MACROD2: variants seen among roughly 807,000 people sequenced by gnomAD.
MACROD2 encodes the protein mono-ADP ribosylhydrolase 2, also known as ADP-ribose glycohydrolase MACROD2.
MACROD2 carries 36 observed loss-of-function variants against 70.4 expected under a neutral mutation model. That is an observed-to-expected ratio of 0.51 (90% CI 0.39 to 0.68). MACROD2 has a LOEUF of 0.68. Ranked by LOEUF, MACROD2 falls within the 30% of genes least tolerant of loss-of-function variation. The pLI is 0.00. For synonymous variants in MACROD2, 172 were observed against 178.8 expected, an observed-to-expected ratio of 0.96 and a Z score of 0.30; for missense variants, 496 against 538.4, an observed-to-expected ratio of 0.92 and a Z score of 0.78.
At chr20:15,304,199 G>A (rs1417572007) in intron 6 of MACROD2, among the ~76,000 whole-genome samples, 3 of 152,100 alleles carry the variant, frequency 2.0e-5, no homozygotes, top group African/African-American at 4.8e-5. Flanking sequence ...TGGGGTTGGA[G>A]ATTAGGGAAA....
intron 8 of MACROD2, among the ~76,000 whole-genome samples, chr20:15,533,146 C>T (rs2146550607): frequency 6.6e-6 from 1 of 152,288 alleles, no homozygotes; most frequent in African/African-American, 2.4e-5. Context: ...AATCTTTTAG[C>T]AGTATTCACA....
intron 3 of MACROD2, among the ~76,000 whole-genome samples, chr20:14,119,345 T>A (rs991864361): frequency 2.0e-5 from 3 of 151,410 alleles, no homozygotes; most frequent in Middle Eastern, 3.4e-3. Flanking sequence ...TTTTTTATAT[T>A]TTTAGTAGAG....
rs2082746121 is a variant in MACROD2, at chr20:14,326,961, C to T, written c.272-166518C>T. 1 of 1,613,604 alleles carries T rather than the reference C, an allele frequency of 6.2e-7. No individual in the cohort carries two copies. The highest frequency in any genetic ancestry group is 1.7e-5 in the Admixed American group (1 of 59,926). ...AAATAGTGGATATGCGATTATCATC[C>T]AAGCGTAGTTCTTCTATAGTCCTGG... is the stretch of plus-strand genomic sequence containing the variant. On this transcript the variant is annotated intron_variant, in intron 3 of 17. Transcript: ENST00000684519. The surrounding 1 kb of genome is among the most constrained non-coding windows in gnomAD (Gnocchi z 5.5).
rs1222778046 is a variant in MACROD2 at position 14,363,620 on chromosome 20, A to G, written c.272-129859A>G. ...CGGATCACGAGGTCAGGATATCGAG[A>G]CCATCCTGGCTAACACAGTGAAACC... On this transcript the variant is annotated intron_variant, in intron 3 of 17. Coordinates refer to ENST00000684519, the MANE Select transcript of MACROD2 (RefSeq NM_001351661.2). Among the ~76,000 whole-genome samples, 5 of 151,602 alleles carry G rather than the reference A, an allele frequency of 3.3e-5. No individual in the cohort carries two copies. The East Asian group carries it at 9.7e-4, about 30-fold the overall frequency.
intron 8 of MACROD2, among the ~76,000 whole-genome samples, chr20:15,743,342 C>T (rs2051132954): frequency 6.6e-6 from 1 of 152,134 alleles, no homozygotes; most frequent in African/African-American, 2.4e-5. Context: ...AATTGAAAAT[C>T]AAACAGAAAT....
chr20:15,649,994 A>G (rs564025774), intron 8 of MACROD2, among the ~76,000 whole-genome samples: 1 of 152,336 alleles, frequency 6.6e-6, no homozygotes, highest in Admixed American at 6.5e-5. Flanking sequence ...TGACTATTTA[A>G]AAATAATAAT....
chr20:14,800,310 C>A (rs1271846220), intron 5 of MACROD2, among the ~76,000 whole-genome samples: 1 of 152,152 alleles, frequency 6.6e-6, no homozygotes, highest in Non-Finnish European at 1.5e-5. Context: ...TGGTGCCCCT[C>A]AAATTCCAAT....
chr20:15,048,584 CATT>C (rs986254049), intron 5 of MACROD2, among the ~76,000 whole-genome samples: 15 of 151,880 alleles, frequency 9.9e-5, no homozygotes, highest in African/African-American at 2.4e-4. Context: ...TATAAAATAT[CATT>C]ATTATTTTCT....
At chr20:14,422,641 A>G (rs1682760589) in intron 3 of MACROD2, among the ~76,000 whole-genome samples, 1 of 152,118 alleles carries the variant, frequency 6.6e-6, no homozygotes, top group Admixed American at 6.5e-5. Context: ...TGTAATTTGC[A>G]TGGATACTAG....
At chr20:14,797,790 C>T (rs928984601) in intron 5 of MACROD2, among the ~76,000 whole-genome samples, 1 of 151,966 alleles carries the variant, frequency 6.6e-6, no homozygotes, top group African/African-American at 2.4e-5. Context: ...CTGGATGATG[C>T]CTGCTTTACT....
chr20:15,806,897 A>G (rs1251530347), intron 8 of MACROD2, among the ~76,000 whole-genome samples: 4 of 152,208 alleles, frequency 2.6e-5, no homozygotes, highest in African/African-American at 9.6e-5. Context: ...GAAAGACCAA[A>G]AGAACAATAA....
At chr20:15,032,181 A>C (rs1435155301) in intron 5 of MACROD2, among the ~76,000 whole-genome samples, 1 of 152,194 alleles carries the variant, frequency 6.6e-6, no homozygotes, top group Non-Finnish European at 1.5e-5. Context: ...TCTAGCCTGC[A>C]GCGACAGGTG....
chr20:15,217,790 C>T (rs926027873), intron 5 of MACROD2, among the ~76,000 whole-genome samples: 1 of 151,938 alleles, frequency 6.6e-6, no homozygotes, highest in Non-Finnish European at 1.5e-5. Context: ...TCTTTTTAAA[C>T]CTGATACTCA....
chr20:14,470,944 G>T (rs541286917), intron 3 of MACROD2, among the ~76,000 whole-genome samples: 1 of 152,270 alleles, frequency 6.6e-6, no homozygotes, highest in East Asian at 1.9e-4. Flanking sequence ...GTTCTGTCTT[G>T]CTGGCATTCG....
At chr20:15,298,163 C>G (rs543033166) in intron 6 of MACROD2, among the ~76,000 whole-genome samples, 1 of 152,296 alleles carries the variant, frequency 6.6e-6, no homozygotes, top group South Asian at 2.1e-4. Flanking sequence ...TGATCTTTGG[C>G]TCCTTTTGAA....
chr20:15,729,828 A>G (rs563105774), intron 8 of MACROD2, among the ~76,000 whole-genome samples: 575 of 12,908 alleles, frequency 0.045, 9 homozygotes, highest in African/African-American at 0.12. Flanking sequence ...CAGTTGGGTC[A>G]TGCTTTTTTT....
intron 5 of MACROD2, among the ~76,000 whole-genome samples, chr20:14,767,960 A>C (rs2072113652): frequency 6.6e-6 from 1 of 152,072 alleles, no homozygotes; most frequent in South Asian, 2.1e-4. Context: ...CCCTGCAAGG[A>C]CATGAACTCA....
chr20:14,752,320 C>T (rs912930433), intron 5 of MACROD2, among the ~76,000 whole-genome samples: 3 of 151,998 alleles, frequency 2.0e-5, no homozygotes, highest in African/African-American at 7.3e-5. Flanking sequence ...CTTGTACCCC[C>T]AGACTTCTTC....
chr20:15,360,516 A>T lies in MACROD2; in HGVS notation c.541-70889A>T, dbSNP rs191739826. ...TATACTTAAAATGTCAATTATGTCT[A>T]TTTTTTCTATTTGCTTGACTATATG... is the stretch of plus-strand genomic sequence containing the variant. On this transcript the variant is annotated intron_variant, in intron 6 of 17. Transcript: ENST00000684519. 5.2e-3 allele frequency among the ~76,000 whole-genome samples: 798 copies of T among 152,134 alleles called. 2 individuals are homozygous for T. Among genetic ancestry groups the T allele is most frequent in the Middle Eastern group, 0.02 (6 of 294 alleles).
Sources: allele counts gnomAD v4.1 joint callset (sites outside exome capture counted in the v4.1 genomes callset), GRCh38; gene constraint gnomAD v4.1.1; non-coding constraint Gnocchi (gnomAD v3.1); transcripts MANE v1.5; gene names NCBI Gene and HGNC (gene_info 2026-07-23, HGNC 2026-07-21).